PCDHA1: variants seen among roughly 807,000 people sequenced by gnomAD.
PCDHA1 encodes protocadherin alpha 1.
In PCDHA1, 42 loss-of-function variants were observed where a neutral mutation model predicts 61.3. That is an observed-to-expected ratio of 0.69 (90% confidence interval 0.54 to 0.89). PCDHA1 has a LOEUF of 0.89. Among genes scored for constraint, PCDHA1 ranks in the 40% least tolerant of loss-of-function variants. PCDHA1 has a pLI of 0.00. For missense variants in PCDHA1, 1,256 were observed against 1,235.3 expected (o/e 1.02, Z -0.25); for synonymous variants, 610 against 553.8 (o/e 1.10, Z -1.43).
chr5:140,846,989 C>T (rs1449097023), intron 1 of PCDHA1, among the ~76,000 whole-genome samples: 1 of 149,196 alleles, frequency 6.7e-6, no homozygotes, highest in Non-Finnish European at 1.5e-5. Flanking sequence ...AAGTTCCCCC[C>T]GGGAGAATAT....
At chr5:140,911,985 A>C (rs1554195072) in intron 1 of PCDHA1, among the ~76,000 whole-genome samples, 2 of 152,204 alleles carry the variant, frequency 1.3e-5, no homozygotes, top group African/African-American at 4.8e-5. Flanking sequence ...CATGATCACA[A>C]GGTCCCACAA....
chr5:140,993,850 G>A (rs1187946683), intron 3 of PCDHA1, among the ~76,000 whole-genome samples: 2 of 152,144 alleles, frequency 1.3e-5, no homozygotes, highest in African/African-American at 4.8e-5. Context: ...TATGTAGTAG[G>A]CTATGCCATC....
At chr5:140,899,217 C>T (rs1467184800) in intron 1 of PCDHA1, among the ~76,000 whole-genome samples, 1 of 152,040 alleles carries the variant, frequency 6.6e-6, no homozygotes, top group Non-Finnish European at 1.5e-5. Flanking sequence ...GCCAGAACTT[C>T]CAACACTATG....
At chr5:140,950,043 A>T (rs1011500100) in intron 1 of PCDHA1, among the ~76,000 whole-genome samples, 1 of 151,950 alleles carries the variant, frequency 6.6e-6, no homozygotes, top group Non-Finnish European at 1.5e-5. Flanking sequence ...TTACAACCAT[A>T]TAAGACTATT....
chr5:140,836,225 G>A (rs1774300222), intron 1 of PCDHA1: 1 of 1,613,770 alleles, frequency 6.2e-7, no homozygotes, highest in Non-Finnish European at 8.5e-7. Flanking sequence ...TGCAACCGGT[G>A]GCGGCCGGTG....
intron 1 of PCDHA1, among the ~76,000 whole-genome samples, chr5:140,932,531 G>A (rs1379233805): frequency 4.6e-5 from 7 of 151,752 alleles, no homozygotes; most frequent in Non-Finnish European, 8.9e-5. Context: ...TGGCATTCAA[G>A]GTGCTTTATT....
intron 1 of PCDHA1, chr5:140,850,398 C>G: frequency 1.9e-6 from 3 of 1,597,938 alleles, no homozygotes; most frequent in Non-Finnish European, 1.7e-6. Context: ...CAGCACAACG[C>G]GTGCCCTGGA....
chr5:140,843,339 G>A (rs2150357830), intron 1 of PCDHA1: 2 of 1,596,042 alleles, frequency 1.3e-6, no homozygotes, highest in Admixed American at 1.7e-5. Flanking sequence ...GTGGAGAGCG[G>A]CCAGGCTCCA....
At chr5:140,964,425 A>C (rs1440321322) in intron 1 of PCDHA1, among the ~76,000 whole-genome samples, 1 of 152,178 alleles carries the variant, frequency 6.6e-6, no homozygotes, top group East Asian at 1.9e-4. Context: ...TCCATTAAAA[A>C]ATTACCAAGC....
At chr5:140,807,351 A>T in intron 1 of PCDHA1, 1 of 1,612,072 alleles carries the variant, frequency 6.2e-7, no homozygotes, top group Non-Finnish European at 8.5e-7. Flanking sequence ...CTGGGACTGG[A>T]GCTGGCGGAG....
rs782628181 is a variant in PCDHA1, at chr5:140,850,474, C to G, written c.2394+61790C>G. 1.3e-6 allele frequency: 2 copies of G among 1,597,756 alleles called. 1 individual carries two copies. The highest frequency in any genetic ancestry group is 1.7e-6 in the Non-Finnish European group (2 of 1,167,580). On this transcript the variant is annotated intron_variant, in intron 1 of 3. Coordinates refer to ENST00000504120, the MANE Select transcript of PCDHA1 (RefSeq NM_018900.4). ...AAAGACCACGGGGAGCCAGCGCTGA[C>G]GGCCACGGCCACTGTGCTGGTGTCG...
chr5:140,805,216 T>G, intron 1 of PCDHA1: 4 of 1,417,732 alleles, frequency 2.8e-6, no homozygotes, highest in Non-Finnish European at 3.7e-6. Context: ...TAAACATTGT[T>G]TTCTATTCTG....
In PCDHA1 at chr5:140,835,797, T is replaced by C. The variant is rs145155815; in HGVS notation, c.2394+47113T>C. ...CGTGAAGGAGAACAACCCGCCGGGC[T>C]GCCACATCTTCACTGTGTCGGCGGG... On this transcript the variant is annotated intron_variant, in intron 1 of 3. Coordinates refer to ENST00000504120, the MANE Select transcript of PCDHA1 (RefSeq NM_018900.4). 2.2e-3 allele frequency: 3,620 copies of C among 1,613,086 alleles called. 43 individuals carry two copies. Among genetic ancestry groups the C allele is most frequent in the Middle Eastern group, 8.4e-3 (47 of 5,592 alleles).
intron 1 of PCDHA1, among the ~76,000 whole-genome samples, chr5:140,839,543 C>T (rs1455447545): frequency 1.3e-5 from 2 of 151,966 alleles, no homozygotes; most frequent in Non-Finnish European, 2.9e-5. Flanking sequence ...GCACACACCA[C>T]CATGCCCAAC....
chr5:140,981,407 C>G (rs1410838924), intron 2 of PCDHA1, among the ~76,000 whole-genome samples: 1 of 152,042 alleles, frequency 6.6e-6, no homozygotes, highest in Non-Finnish European at 1.5e-5. Flanking sequence ...AAACCTGTCT[C>G]TACTAAAAAT....
chr5:140,786,714 A>T lies in PCDHA1; in HGVS notation c.424A>T (p.Ile142Phe), dbSNP rs782463216. The change falls in exon 1 of 4, where the codon ATT becomes TTT. Residue 142 changes from isoleucine (I) to phenylalanine (F), a missense_variant. Transcript: ENST00000504120. ...VFRGREQIIF[I>F]PESRLLNSRF... ...CAGGGGCAGAGAACAAATAATATTT[A>T]TTCCTGAATCTAGACTCCTGAATTC... 6.2e-7 allele frequency: 1 copy of T among 1,614,084 alleles called. No homozygotes were observed. The highest frequency in any genetic ancestry group is 1.3e-5 in the African/African-American group (1 of 74,922).
At chr5:140,850,112 C>A (rs2150468097) in intron 1 of PCDHA1, 1 of 1,596,024 alleles carries the variant, frequency 6.3e-7, no homozygotes, top group Non-Finnish European at 8.6e-7. Context: ...GCGCGCGCGA[C>A]GCGGGCGTGC....
chr5:140,790,934 T>TG (rs1243927649), intron 1 of PCDHA1, among the ~76,000 whole-genome samples: 3 of 151,980 alleles, frequency 2.0e-5, no homozygotes, highest in African/African-American at 7.3e-5. Flanking sequence ...GATTGTGGAG[T>TG]GGTATTGTCA....
At chr5:140,883,470 A>T in intron 1 of PCDHA1, 3 of 1,614,126 alleles carry the variant, frequency 1.9e-6, no homozygotes, top group Non-Finnish European at 1.7e-6. Context: ...GTGTCCACCT[A>T]CAAGAACTAC....
Sources: allele counts gnomAD v4.1 joint callset (sites outside exome capture counted in the v4.1 genomes callset), GRCh38; gene constraint gnomAD v4.1.1; transcripts MANE v1.5; gene names NCBI Gene and HGNC (gene_info 2026-07-23, HGNC 2026-07-21).